ESR2: variants seen among roughly 807,000 people sequenced by gnomAD.
ESR2 encodes estrogen receptor 2, also known as estrogen receptor beta.
ESR2 carries 36 observed loss-of-function variants against 49.6 expected under a neutral mutation model. The observed-to-expected ratio is 0.73, with a 90% confidence interval of 0.56 to 0.96. The LOEUF is 0.96. Among genes scored for constraint, ESR2 ranks in the 40% least tolerant of loss-of-function variants. ESR2 has a pLI of 0.00. For missense variants in ESR2, 714 were observed against 693.0 expected (o/e 1.03, Z -0.34); for synonymous variants, 320 against 266.1 (o/e 1.20, Z -1.97).
At chr14:64,248,038 A>T (rs2075901992) in intron 7 of ESR2, among the ~76,000 whole-genome samples, 1 of 152,186 alleles carries the variant, frequency 6.6e-6, no homozygotes, top group Non-Finnish European at 1.5e-5. Context: ...TACAAAAAAT[A>T]CAAAAATTAT....
intron 1 of ESR2, among the ~76,000 whole-genome samples, chr14:64,326,463 A>G (rs2077391506): frequency 2.0e-5 from 3 of 152,186 alleles, no homozygotes; most frequent in Admixed American, 1.3e-4. Context: ...TTATTCTAAT[A>G]TTAATAACAT....
In ESR2 at chr14:64,262,582, G is replaced by A. The variant is rs144618283; in HGVS notation, c.653-1834C>T. Among the ~76,000 whole-genome samples the A allele has an allele frequency of 5.0e-3, 758 of 151,164 alleles. 6 individuals are homozygous for A. The highest frequency in any genetic ancestry group is 7.6e-3 in the South Asian group (36 of 4,746). On this transcript the variant is annotated intron_variant, in intron 4 of 8. Transcript: ENST00000341099. Reference sequence around the variant, plus strand: ...CAAGAACACGTTACAAAACATAAACGTCATTAAAGGAATTGAAACATGGCC... The same window carrying A: ...CAAGAACACGTTACAAAACATAAACATCATTAAAGGAATTGAAACATGGCC...
intron 5 of ESR2, chr14:64,260,063 G>C: frequency 2.2e-6 from 1 of 462,646 alleles, no homozygotes; most frequent in Non-Finnish European, 4.3e-6. Flanking sequence ...GGCATGAGAG[G>C]TGGCCAACAG....
intron 1 of ESR2, among the ~76,000 whole-genome samples, chr14:64,311,451 C>A (rs2077187024): frequency 1.3e-5 from 2 of 151,826 alleles, no homozygotes; most frequent in Admixed American, 1.3e-4. Context: ...ACCAGCCTGG[C>A]CAACATGGTG....
intron 1 of ESR2, among the ~76,000 whole-genome samples, chr14:64,305,478 G>C (rs557555250): frequency 4.0e-5 from 6 of 151,442 alleles, no homozygotes; most frequent in Admixed American, 2.6e-4. Flanking sequence ...AGACCATCCT[G>C]GCTAACACAG....
chr14:64,261,338 C>T (rs1173918291), intron 4 of ESR2, among the ~76,000 whole-genome samples: 3 of 145,304 alleles, frequency 2.1e-5, no homozygotes, highest in African/African-American at 7.6e-5. Context: ...ACCGGGTTCA[C>T]GCCATTCTCC....
At chr14:64,296,215 C>T (rs891079921), upstream of ESR2, among the ~76,000 whole-genome samples, 8 of 152,106 alleles carry the variant, frequency 5.3e-5, no homozygotes, top group Admixed American at 1.3e-4. Context: ...TCATACCTGA[C>T]GCTGTGCTAA....
intron 3 of ESR2, among the ~76,000 whole-genome samples, chr14:64,277,333 ACAT>A (rs1249551339): frequency 6.6e-6 from 1 of 152,164 alleles, no homozygotes; most frequent in Non-Finnish European, 1.5e-5. Context: ...ATTATAAAAA[ACAT>A]AAGAATGGGC....
chr14:64,317,365 G>A (rs867522147), intron 1 of ESR2, among the ~76,000 whole-genome samples: 60 of 152,152 alleles, frequency 3.9e-4, no homozygotes, highest in African/African-American at 1.2e-3. Context: ...AGCATGGTGC[G>A]GGGCATCTGC....
At chr14:64,326,444 AATT>A (rs1408943861) in intron 1 of ESR2, among the ~76,000 whole-genome samples, 9 of 152,118 alleles carry the variant, frequency 5.9e-5, no homozygotes, top group Non-Finnish European at 1.5e-5. Flanking sequence ...TTTATTATTT[AATT>A]ATTTATTATT....
intron 4 of ESR2, among the ~76,000 whole-genome samples, chr14:64,261,878 A>C (rs1301100087): frequency 6.6e-6 from 1 of 150,550 alleles, no homozygotes; most frequent in African/African-American, 2.4e-5. Flanking sequence ...CAGCCTCCTG[A>C]GTAGCTGGGA....
intron 1 of ESR2, among the ~76,000 whole-genome samples, chr14:64,311,031 T>C (rs2077182446): frequency 6.6e-6 from 1 of 152,158 alleles, no homozygotes; most frequent in Non-Finnish European, 1.5e-5. Context: ...GGAGCCATTT[T>C]ATCATATTAG....
Position 64,260,605 on chromosome 14 carries a change from C to T in ESR2, c.796G>A (p.Glu266Lys), listed in dbSNP as rs2076194541. 3.1e-6 allele frequency: 5 copies of T among 1,610,668 alleles called. No homozygotes were observed. The highest frequency in any genetic ancestry group is 4.2e-6 in the Non-Finnish European group (5 of 1,178,162). Residue 266 changes from glutamate (E) to lysine (K), a missense_variant, in exon 5 of 9, where the codon GAG becomes AAG. Transcript: ENST00000341099. ...TCCAGGAGGGTGAGCACTAGCTGCT[C>T]GGGGCTCAGGGCGTCCAGCAGCAGC... ...RELLLDALSPEQLVLTLLEAE... is the reference protein window; with the variant it reads ...RELLLDALSPKQLVLTLLEAE...
chr14:64,257,154 G>C, intron 6 of ESR2, 72 bp downstream of exon 6: 1 of 1,419,662 alleles, frequency 7.0e-7, no homozygotes, highest in South Asian at 1.2e-5. Flanking sequence ...GCAGCACCCA[G>C]GACTTTGTTC....
At chr14:64,239,479 G>A (rs1239256228) in intron 7 of ESR2, among the ~76,000 whole-genome samples, 2 of 152,120 alleles carry the variant, frequency 1.3e-5, no homozygotes, top group Non-Finnish European at 2.9e-5. Flanking sequence ...TCTTAAAACT[G>A]TTTAAATAGA....
intron 1 of ESR2, among the ~76,000 whole-genome samples, chr14:64,284,026 T>C (rs1034720111): frequency 5.3e-5 from 8 of 150,458 alleles, no homozygotes; most frequent in African/African-American, 2.0e-4. Flanking sequence ...TCCCAGGTTC[T>C]AGTGATTCTC....
chr14:64,300,995 C>T (rs1362158086), intron 1 of ESR2, among the ~76,000 whole-genome samples: 1 of 152,186 alleles, frequency 6.6e-6, no homozygotes, highest in African/African-American at 2.4e-5. Flanking sequence ...TTTGCCTGCA[C>T]TATTTAATTT....
At chr14:64,258,778 T>C (rs1418629207) in intron 5 of ESR2, among the ~76,000 whole-genome samples, 1 of 152,218 alleles carries the variant, frequency 6.6e-6, no homozygotes, top group Non-Finnish European at 1.5e-5. Context: ...TCACCCATAG[T>C]GATTGACAAT....
chr14:64,292,768 C>G (rs935672932), intron 1 of ESR2, among the ~76,000 whole-genome samples: 1 of 152,070 alleles, frequency 6.6e-6, no homozygotes, highest in Non-Finnish European at 1.5e-5. Context: ...ATATCAATAT[C>G]TATTAAATGT....
Sources: allele counts gnomAD v4.1 joint callset (sites outside exome capture counted in the v4.1 genomes callset), GRCh38; gene constraint gnomAD v4.1.1; transcripts MANE v1.5; gene names NCBI Gene and HGNC (gene_info 2026-07-23, HGNC 2026-07-21).